The following HAUS7 variants were observed in gnomAD, a reference collection of about 807,000 sequenced individuals.
The protein encoded by HAUS7 is HAUS augmin like complex subunit 7.
A neutral mutation model predicts 28.4 loss-of-function variants in HAUS7; 3 were observed. The ratio of observed to expected loss-of-function variants is 0.11; its 90% CI spans 0.05 to 0.27. The LOEUF (loss-of-function observed/expected upper bound fraction) is 0.27, where lower values mean the gene tolerates loss of function less well. HAUS7 is among the 10% of genes least tolerant of loss of function. The pLI is 1.00. For missense variants in HAUS7, 284 were observed against 297.3 expected (o/e 0.96, Z 0.33); for synonymous variants, 165 against 132.1 (o/e 1.25, Z -1.71).
chrX:153,484,206 A>G (rs2089620835), intron 1 of HAUS7, among the ~76,000 whole-genome samples: 1 of 111,732 alleles, frequency 8.9e-6, no homozygotes. Context: ...CTGTCCCTCA[A>G]AAGCACACCT....
intron 9 of HAUS7, among the ~76,000 whole-genome samples, chrX:153,453,874 C>T (rs1263781750): frequency 9.4e-6 from 1 of 105,873 alleles, no homozygotes; most frequent in Admixed American, 1.0e-4. Flanking sequence ...GGCTGGAGTA[C>T]TGTGGCGTGA....
Position 153,454,528 on chromosome X carries a change from G to C in HAUS7, c.931-20C>G, listed in dbSNP as rs1455256431. 2.4e-6 allele frequency: 1 copy of C among 409,855 alleles called. No homozygotes were observed. The highest frequency in any genetic ancestry group is 4.3e-6 in the Non-Finnish European group (1 of 231,701). The allele number at this position is 409,855 out of a possible 1,213,427, so 33.8% of individuals were successfully genotyped here. ...CAGCAGCTGGGGAGGGAGGGAGGGA[G>C]GGAGGGAGGGAGGGAGGGAGCGAGC... On this transcript the variant is annotated intron_variant, in intron 8 of 9. Coordinates refer to ENST00000370211, the MANE Select transcript of HAUS7 (RefSeq NM_001385482.1).
chrX:153,488,517 CG>C (rs2089652693), intron 1 of HAUS7, among the ~76,000 whole-genome samples: 1 of 112,759 alleles, frequency 8.9e-6, no homozygotes, highest in African/African-American at 3.2e-5. Context: ...GTGGCGGGGG[CG>C]GGAGAGGCCT....
chrX:153,487,365 A>G (rs1426376889), intron 1 of HAUS7, among the ~76,000 whole-genome samples: 1 of 112,219 alleles, frequency 8.9e-6, no homozygotes, highest in African/African-American at 3.2e-5. Flanking sequence ...GGTTCAGGGC[A>G]CCTGCCATTG....
chrX:153,457,022 T>G lies in HAUS7; in HGVS notation c.446+115A>C, dbSNP rs879954230. The G allele has an allele frequency of 3.1e-5, 16 of 519,915 alleles. No homozygotes were observed. In the Middle Eastern group the frequency reaches 2.7e-3, roughly 88 times the overall value. 42.8% of individuals were successfully genotyped at this position (519,915 alleles called of 1,213,427 possible). On this transcript the variant is annotated intron_variant, in intron 5 of 9. Coordinates refer to ENST00000370211, the MANE Select transcript of HAUS7 (RefSeq NM_001385482.1). Reference sequence around the variant, plus strand: ...TGGCCAGCCAGATCCCCAAGTGGGGTGTCACACCCCAGCCAGCATCAGAGG... The same window carrying G: ...TGGCCAGCCAGATCCCCAAGTGGGGGGTCACACCCCAGCCAGCATCAGAGG...
intron 2 of HAUS7, among the ~76,000 whole-genome samples, chrX:153,466,841 G>A (rs868969644): frequency 1.7e-3 from 188 of 112,536 alleles, no homozygotes; most frequent in African/African-American, 5.8e-3. Flanking sequence ...ACGCTCAAAG[G>A]AGATGCTCAC....
At chrX:153,459,076 C>T (rs2089353954) in intron 4 of HAUS7, among the ~76,000 whole-genome samples, 1 of 112,230 alleles carries the variant, frequency 8.9e-6, no homozygotes, top group Admixed American at 9.4e-5. Flanking sequence ...TTTTTTGATT[C>T]TAGCCATCCT....
intron 1 of HAUS7, among the ~76,000 whole-genome samples, chrX:153,489,338 C>T (rs2089657942): frequency 8.9e-6 from 1 of 112,315 alleles, no homozygotes; most frequent in Non-Finnish European, 1.9e-5. Flanking sequence ...TCCTTCAGCA[C>T]GGGCCACGCT....
chrX:153,451,516 G>A (rs1394349133), intron 9 of HAUS7, among the ~76,000 whole-genome samples: 1 of 112,043 alleles, frequency 8.9e-6, no homozygotes, highest in Non-Finnish European at 1.9e-5. Context: ...CAAGAGCAGT[G>A]AGAAGCCTGG....
chrX:153,483,579 A>T, intron 1 of HAUS7: 1 of 532,389 alleles, frequency 1.9e-6, no homozygotes, highest in Non-Finnish European at 2.3e-6. Flanking sequence ...AGAGAGGGCC[A>T]GGAGGCAGGG....
intron 8 of HAUS7, chrX:153,455,215 C>G (rs1386742463): frequency 7.1e-6 from 3 of 425,147 alleles, no homozygotes; most frequent in African/African-American, 5.0e-5. Flanking sequence ...TGGAGCGTAA[C>G]GTGACAACAG....
intron 1 of HAUS7, among the ~76,000 whole-genome samples, chrX:153,493,445 C>T (rs1372782312): frequency 5.4e-5 from 6 of 112,015 alleles, no homozygotes; most frequent in African/African-American, 2.0e-4. Context: ...TGAGACCAGG[C>T]TGCCAAGAGT....
chrX:153,486,570 T>C, intron 1 of HAUS7: 1 of 890,296 alleles, frequency 1.1e-6, no homozygotes. Flanking sequence ...TCTTGAATGA[T>C]GCCTACCCCG....
At position 153,455,568 on chromosome X, in the gene HAUS7, G is replaced by A. The variant is rs901316353; in HGVS notation, c.904C>T (p.His302Tyr). Residue 302 changes from histidine (H) to tyrosine (Y), a missense_variant, in exon 8 of 10, where the codon CAC becomes TAC. Coordinates refer to ENST00000370211, the MANE Select transcript of HAUS7 (RefSeq NM_001385482.1). ...HPCGPIIQAT[H>Y]QNLTSYSQLL... The stretch of plus-strand genomic sequence containing the variant: ...TGGCTGTAGGAAGTCAGATTCTGGT[G>A]CGTGGCCTGGATGATGGGGCCGCAC... 5.8e-6 allele frequency: 7 copies of A among 1,203,536 alleles called. No homozygotes were observed. The African/African-American group carries it at 1.0e-4, about 18-fold the overall frequency.
intron 1 of HAUS7, chrX:153,495,035 C>G (rs1352097169): frequency 9.1e-6 from 1 of 109,818 alleles, no homozygotes; most frequent in Non-Finnish European, 1.9e-5. Context: ...CCGGACACAC[C>G]GGACAGATAG....
At chrX:153,465,149 C>T (rs782187036) in intron 2 of HAUS7, 94 bp from the exon 3 acceptor site, 5 of 566,877 alleles carry the variant, frequency 8.8e-6, no homozygotes, top group Non-Finnish European at 6.0e-6. Context: ...TTCCTGTGCA[C>T]GTGCTCAACG....
rs782658603 is a variant in HAUS7 at position 153,454,464 on chromosome X, G to A, written c.975C>T (p.Ala325=). 1.3e-5 allele frequency: 15 copies of A among 1,121,045 alleles called. No individual in the cohort carries two copies. Among genetic ancestry groups the A allele is most frequent in the African/African-American group, 8.0e-5 (4 of 49,906 alleles). 92.4% of individuals were successfully genotyped at this position (1,121,045 alleles called of 1,213,427 possible). ...CTTGCTGCTTCTTCACGGTCTCCAC[G>A]GCCTTCGCAGAGGTGTCAGCAACTG... ...VMAVADTSAK[A]VETVKKQQGE... The change falls in exon 9 of 10, where the codon GCC becomes GCT. Residue 325 remains alanine (A), a synonymous_variant. Coordinates refer to ENST00000370211, the MANE Select transcript of HAUS7 (RefSeq NM_001385482.1).
intron 1 of HAUS7, 140 bp from the exon 2 acceptor site, chrX:153,469,401 C>G: frequency 1.1e-5 from 4 of 371,467 alleles, no homozygotes; most frequent in South Asian, 1.1e-4. Context: ...TCTCGGCTCA[C>G]TGCAGCCTCC....
chrX:153,462,623 T>G lies in HAUS7; in HGVS notation c.341A>C (p.Gln114Pro), dbSNP rs1556983603. ...AGGCCCTCTTACCTTGAGGAGCTCC[T>G]GGTCATCTGGCGCACACAGCATCAG... ...HELMLCAPDDQELLKGCACAQ... is the reference protein window; with the variant it reads ...HELMLCAPDDPELLKGCACAQ... Residue 114 changes from glutamine to proline, a missense_variant, in exon 4 of 10, where the codon CAG (glutamine) becomes CCG (proline). Coordinates refer to ENST00000370211, the MANE Select transcript of HAUS7 (RefSeq NM_001385482.1). 8.3e-7 allele frequency: 1 copy of G among 1,203,257 alleles called. No homozygotes were observed. The highest frequency in any genetic ancestry group is 2.2e-5 in the Admixed American group (1 of 46,181).
Sources: allele counts gnomAD v4.1 joint callset (sites outside exome capture counted in the v4.1 genomes callset), GRCh38; gene constraint gnomAD v4.1.1; transcripts MANE v1.5; gene names NCBI Gene and HGNC (gene_info 2026-07-23, HGNC 2026-07-21).